The following DHX57 variants were observed in gnomAD, a reference collection of about 807,000 sequenced individuals.
DHX57 encodes the protein putative ATP-dependent RNA helicase DHX57.
In DHX57, 105 loss-of-function variants were observed where a neutral mutation model predicts 156.2. The observed-to-expected ratio is 0.67, with a 90% CI of 0.57 to 0.79. The LOEUF (loss-of-function observed/expected upper bound fraction) is 0.79. DHX57 is among the 30% of genes least tolerant of loss of function. DHX57 has a pLI of 0.00. For synonymous variants in DHX57, 704 were observed against 595.6 expected, an observed-to-expected ratio of 1.18 and a Z score of -2.65; for missense variants, 1,847 against 1,661.9, an observed-to-expected ratio of 1.11 and a Z score of -1.94.
chr2:38,855,603 A>T (rs1672857571), intron 7 of DHX57, among the ~76,000 whole-genome samples: 1 of 152,240 alleles, frequency 6.6e-6, no homozygotes, highest in African/African-American at 2.4e-5. Flanking sequence ...TTTTATAGGT[A>T]TTAATTTAGC....
intron 23 of DHX57, among the ~76,000 whole-genome samples, chr2:38,800,568 G>T (rs1307055715): frequency 6.6e-6 from 1 of 152,148 alleles, no homozygotes; most frequent in African/African-American, 2.4e-5. Context: ...CTGCCAGGGT[G>T]AATGGCTCAG....
At chr2:38,875,759 C>T in intron 1 of DHX57, 28 bp downstream of exon 1, 1 of 340,100 alleles carries the variant, frequency 2.9e-6, no homozygotes, top group Non-Finnish European at 5.3e-6. Flanking sequence ...CAACGCGCAT[C>T]ACTTGTCCGC....
chr2:38,860,769 T>C lies in DHX57; in HGVS notation c.1411+230A>G, dbSNP rs533506285. On this transcript the variant is annotated intron_variant, in intron 5 of 23. Transcript: ENST00000457308. ...TTTTATATAGTTAAACATACGTCAC[T>C]ACAAACTTTCAACTCAGGGAGCCCA... is the stretch of plus-strand genomic sequence containing the variant. Among the ~76,000 whole-genome samples the C allele has an allele frequency of 2.6e-5, 4 of 152,344 alleles. No individual in the cohort carries two copies. The South Asian group carries it at 6.2e-4, about 24-fold the overall frequency.
intron 5 of DHX57, among the ~76,000 whole-genome samples, chr2:38,859,534 G>T (rs1673075183): frequency 6.6e-6 from 1 of 152,090 alleles, no homozygotes; most frequent in South Asian, 2.1e-4. Context: ...GAATTTTATG[G>T]TATATAAATT....
intron 17 of DHX57, among the ~76,000 whole-genome samples, chr2:38,822,351 G>T (rs1188730975): frequency 6.6e-6 from 1 of 152,022 alleles, no homozygotes; most frequent in Non-Finnish European, 1.5e-5. Context: ...AAAGAGCTGG[G>T]ATTACAGGCG....
intron 2 of DHX57, among the ~76,000 whole-genome samples, chr2:38,864,376 T>A (rs1471205495): frequency 6.6e-6 from 1 of 151,952 alleles, no homozygotes; most frequent in African/African-American, 2.4e-5. Context: ...CAAGATCCTG[T>A]CTCTATTTAA....
At chr2:38,859,981 A>T (rs1014976364) in intron 5 of DHX57, among the ~76,000 whole-genome samples, 1 of 151,966 alleles carries the variant, frequency 6.6e-6, no homozygotes, top group Non-Finnish European at 1.5e-5. Context: ...CTGACTAGCT[A>T]AGAAAATATA....
At chr2:38,834,653 A>G (rs765351521) in intron 13 of DHX57, among the ~76,000 whole-genome samples, 3 of 152,230 alleles carry the variant, frequency 2.0e-5, no homozygotes, top group African/African-American at 4.8e-5. Context: ...AAGTGCCACT[A>G]GTGATGCTGT....
intron 13 of DHX57, among the ~76,000 whole-genome samples, chr2:38,830,709 G>A (rs1273119686): frequency 6.6e-6 from 1 of 151,878 alleles, no homozygotes; most frequent in Non-Finnish European, 1.5e-5. Context: ...GAGTTAGTAA[G>A]CATGGAGCTT....
intron 2 of DHX57, among the ~76,000 whole-genome samples, chr2:38,866,151 A>T (rs575135617): frequency 1.3e-4 from 20 of 152,282 alleles, no homozygotes; most frequent in Middle Eastern, 3.4e-3. Flanking sequence ...GGCCAGACTG[A>T]CTGATAATAT....
chr2:38,856,675 A>AT (rs1672918496), intron 6 of DHX57: 3 of 417,336 alleles, frequency 7.2e-6, no homozygotes, highest in Middle Eastern at 7.6e-4. Flanking sequence ...GGCTTTTTGT[A>AT]TTTTTTTGTA....
At chr2:38,875,631 G>T (rs1467837225) in intron 1 of DHX57, among the ~76,000 whole-genome samples, 156 bp downstream of exon 1, 2 of 151,828 alleles carry the variant, frequency 1.3e-5, no homozygotes, top group East Asian at 3.9e-4. Context: ...CAGATTCACC[G>T]GCCCCAGGCA....
chr2:38,856,435 C>T lies in DHX57; in HGVS notation c.1614G>A (p.Leu538=), dbSNP rs1672898341. The change falls in exon 7 of 24, where the codon CTG becomes CTA. Residue 538 remains leucine (L), a synonymous_variant. Coordinates refer to ENST00000457308, the MANE Select transcript of DHX57 (RefSeq NM_198963.3). ...AAGCAGGGAGTGATTGCCTCTCTTG[C>T]AGAATGGACTGGAACTGTCTGGAAG... ...KQASRQFQSI[L]QERQSLPAWE... 2 of 1,613,154 alleles carry T rather than the reference C, an allele frequency of 1.2e-6. No individual in the cohort carries two copies. Among genetic ancestry groups the T allele is most frequent in the Non-Finnish European group, 1.7e-6 (2 of 1,179,852 alleles).
intron 21 of DHX57, among the ~76,000 whole-genome samples, chr2:38,807,141 G>A (rs943261065): frequency 1.6e-4 from 24 of 151,032 alleles, no homozygotes; most frequent in Non-Finnish European, 2.2e-4. Flanking sequence ...TGCAACCTCC[G>A]CCTCCCAGGT....
intron 13 of DHX57, among the ~76,000 whole-genome samples, chr2:38,835,534 A>T (rs1671606645): frequency 6.6e-6 from 1 of 152,184 alleles, no homozygotes; most frequent in Admixed American, 6.6e-5. Context: ...GAACCCCATG[A>T]GTTCAACACC....
At chr2:38,830,850 T>C (rs1297956838) in intron 13 of DHX57, among the ~76,000 whole-genome samples, 2 of 152,038 alleles carry the variant, frequency 1.3e-5, no homozygotes, top group African/African-American at 4.8e-5. Flanking sequence ...TTACAGCACT[T>C]TGAGAGGCTG....
At chr2:38,810,118 C>T (rs1026407279) in intron 21 of DHX57, among the ~76,000 whole-genome samples, 1 of 151,758 alleles carries the variant, frequency 6.6e-6, no homozygotes, top group African/African-American at 2.4e-5. Flanking sequence ...TGGTCTCAAA[C>T]TCCTGACCTC....
chr2:38,868,111 G>A, intron 2 of DHX57, 71 bp downstream of exon 2: 1 of 1,549,606 alleles, frequency 6.5e-7, no homozygotes, highest in Non-Finnish European at 8.8e-7. Flanking sequence ...TCCATTCTCA[G>A]CCATCTGTTG....
At chr2:38,818,126 C>A (rs897508644) in intron 19 of DHX57, among the ~76,000 whole-genome samples, 1 of 152,116 alleles carries the variant, frequency 6.6e-6, no homozygotes, top group African/African-American at 2.4e-5. Context: ...CCATGGACCC[C>A]TCTGAAAAGC....
Sources: gnomAD v4.1 joint callset for allele counts (sites outside exome capture counted in the v4.1 genomes callset) on GRCh38, gnomAD v4.1.1 for gene constraint, MANE v1.5 for transcripts, NCBI Gene and HGNC (gene_info 2026-07-23, HGNC 2026-07-21) for gene names.